The following PTBP2 variants were observed in gnomAD, a reference collection of about 807,000 sequenced individuals.
PTBP2 encodes polypyrimidine tract binding protein 2, also known as polypyrimidine tract-binding protein 2.
In PTBP2, 13 loss-of-function variants were observed where a neutral mutation model predicts 61.4. The ratio of observed to expected loss-of-function variants is 0.21; its 90% confidence interval spans 0.14 to 0.34. The LOEUF is 0.34. PTBP2 is among the 10% of genes least tolerant of loss of function. The pLI is 1.00. For missense variants in PTBP2, 405 were observed against 642.6 expected, an observed-to-expected ratio of 0.63 and a Z score of 4.00; for synonymous variants, 215 against 218.5, an observed-to-expected ratio of 0.98 and a Z score of 0.14.
intron 8 of PTBP2, among the ~76,000 whole-genome samples, chr1:96,802,326 G>C (rs1187819973): frequency 6.6e-6 from 1 of 151,574 alleles, no homozygotes. Flanking sequence ...CTTTTTCACT[G>C]TGGGATACAA....
intron 3 of PTBP2, among the ~76,000 whole-genome samples, chr1:96,765,705 GTC>G (rs1656606757): frequency 9.7e-6 from 1 of 102,744 alleles, no homozygotes; most frequent in African/African-American, 4.0e-5. Context: ...GCAAGACTCT[GTC>G]TTAGATAGAT....
intron 2 of PTBP2, among the ~76,000 whole-genome samples, chr1:96,743,951 G>A (rs1338836291): frequency 6.6e-6 from 1 of 152,062 alleles, no homozygotes; most frequent in Non-Finnish European, 1.5e-5. Context: ...AGGCCAAGGT[G>A]GTTGGATCAC....
chr1:96,808,813 A>G (rs1324249710), intron 11 of PTBP2, among the ~76,000 whole-genome samples: 1 of 120,188 alleles, frequency 8.3e-6, no homozygotes, highest in Admixed American at 7.8e-5. Context: ...ACACACAAAC[A>G]CACACACACA....
intron 3 of PTBP2, among the ~76,000 whole-genome samples, chr1:96,769,289 G>A (rs996154524): frequency 6.6e-6 from 1 of 151,940 alleles, no homozygotes; most frequent in Non-Finnish European, 1.5e-5. Flanking sequence ...AACAGAAAAG[G>A]TACAATAAAA....
chr1:96,780,025 A>G (rs1448122024), intron 7 of PTBP2, among the ~76,000 whole-genome samples: 1 of 151,910 alleles, frequency 6.6e-6, no homozygotes, highest in African/African-American at 2.4e-5. Context: ...CCCTTCTACC[A>G]TATCTCTCCT....
At chr1:96,792,562 A>G (rs555853625) in intron 8 of PTBP2, among the ~76,000 whole-genome samples, 1 of 152,326 alleles carries the variant, frequency 6.6e-6, no homozygotes, top group East Asian at 1.9e-4. Context: ...ATATACATAT[A>G]GTAAAAATTT....
intron 7 of PTBP2, among the ~76,000 whole-genome samples, chr1:96,781,815 C>T (rs1448859504): frequency 6.6e-6 from 1 of 151,926 alleles, no homozygotes; most frequent in Non-Finnish European, 1.5e-5. Context: ...GTCATAGTAA[C>T]AATCTTAATT....
chr1:96,757,864 A>G (rs971470456), intron 3 of PTBP2, among the ~76,000 whole-genome samples: 1 of 152,110 alleles, frequency 6.6e-6, no homozygotes, highest in Non-Finnish European at 1.5e-5. Flanking sequence ...TTTTGACTGA[A>G]TGAAAATATA....
intron 5 of PTBP2, among the ~76,000 whole-genome samples, chr1:96,776,108 A>G (rs1407185516): frequency 6.6e-6 from 1 of 152,004 alleles, no homozygotes; most frequent in Non-Finnish European, 1.5e-5. Context: ...TACCATGATC[A>G]TGGATTCCTA....
chr1:96,761,346 A>ATGTGTGTGTGTGTGTGTGTG lies in PTBP2; in HGVS notation c.116-8333_116-8314dup, dbSNP rs57451223. On this transcript the variant is annotated intron_variant, in intron 3 of 13. Coordinates refer to ENST00000674951, the MANE Select transcript of PTBP2 (RefSeq NM_021190.4). Reference sequence around the variant, plus strand: ...AGCAGGGGCCTAGATGTGGGATTTGATGTGTGTGTGTGTGTGTGTGTGTGT... The same window carrying ATGTGTGTGTGTGTGTGTGTG: ...AGCAGGGGCCTAGATGTGGGATTTGATGTGTGTGTGTGTGTGTGTGTGTGTGTGTGTGTGTGTGTGTGTGT... Among the ~76,000 whole-genome samples, 205 of 140,568 alleles carry ATGTGTGTGTGTGTGTGTGTG rather than the reference A, an allele frequency of 1.5e-3. 1 individual carries two copies. The highest frequency in any genetic ancestry group is 5.1e-3 in the African/African-American group (195 of 37,962). 92.2% of individuals were successfully genotyped at this position (140,568 alleles called of 152,430 possible).
At chr1:96,770,928 G>A (rs774602730) in intron 5 of PTBP2, 77 bp downstream of exon 5, 4 of 1,286,742 alleles carry the variant, frequency 3.1e-6, no homozygotes, top group East Asian at 4.7e-5. Context: ...GGAAGGAAAT[G>A]TTTACCTGTT....
intron 9 of PTBP2, among the ~76,000 whole-genome samples, chr1:96,805,780 C>T (rs1386043071): frequency 1.3e-5 from 2 of 152,032 alleles, no homozygotes; most frequent in Admixed American, 6.5e-5. Flanking sequence ...AATCAGAGTG[C>T]CTTTGTTTTT....
intron 8 of PTBP2, among the ~76,000 whole-genome samples, chr1:96,793,456 G>A (rs1400492620): frequency 6.6e-6 from 1 of 151,968 alleles, no homozygotes; most frequent in Non-Finnish European, 1.5e-5. Flanking sequence ...TGCAAGCTCC[G>A]CCTCCTGGGT....
In PTBP2 at chr1:96,812,834, G is replaced by A; in HGVS notation, c.1294G>A (p.Gly432Ser). ...TGATCAAGGGCTAACAAAAGATTTT[G>A]GTAATTCCCCATTGCATCGTTTTAA... ...LDDQGLTKDF[G>S]NSPLHRFKKP... is the part of the protein sequence containing the mutation. Residue 432 changes from glycine (G) to serine (S), a missense_variant, in exon 12 of 14, where the codon GGT becomes AGT. Gly to Ser is a moderately conservative substitution (Grantham distance 56). Around this residue, in one of 4 missense-constraint regions of PTBP2, gnomAD observed 18 missense variants for 69.6 expected, o/e 0.26. Transcript: ENST00000674951. 2 of 1,613,604 alleles carry A rather than the reference G, an allele frequency of 1.2e-6. No individual in the cohort carries two copies. Among genetic ancestry groups the A allele is most frequent in the Non-Finnish European group, 1.7e-6 (2 of 1,179,694 alleles).
At chr1:96,800,387 T>C (rs925229242) in intron 8 of PTBP2, among the ~76,000 whole-genome samples, 5 of 138,278 alleles carry the variant, frequency 3.6e-5, no homozygotes, top group African/African-American at 1.4e-4. Context: ...AAAGGTAGCA[T>C]TCTCTGGCTT....
At chr1:96,809,455 T>C (rs974859375) in intron 11 of PTBP2, among the ~76,000 whole-genome samples, 1 of 152,146 alleles carries the variant, frequency 6.6e-6, no homozygotes, top group African/African-American at 2.4e-5. Context: ...AAGATGCATA[T>C]AAAATCTGTA....
intron 1 of PTBP2, among the ~76,000 whole-genome samples, chr1:96,722,475 GA>G (rs1649741443): frequency 6.6e-6 from 1 of 151,524 alleles, no homozygotes; most frequent in Non-Finnish European, 1.5e-5. Context: ...GAGGAAGGGG[GA>G]GGGCAGATGT....
intron 2 of PTBP2, among the ~76,000 whole-genome samples, chr1:96,728,405 G>A (rs1290619716): frequency 1.3e-5 from 2 of 152,120 alleles, no homozygotes; most frequent in African/African-American, 4.8e-5. Flanking sequence ...TTTTGCATGG[G>A]GATATCCAGT....
intron 11 of PTBP2, among the ~76,000 whole-genome samples, chr1:96,809,856 C>T (rs1053414977): frequency 9.9e-5 from 15 of 151,830 alleles, no homozygotes; most frequent in African/African-American, 3.6e-4. Flanking sequence ...TTAAGAATAA[C>T]AGTGTTACCC....
Sources: gnomAD v4.1 joint callset for allele counts (sites outside exome capture counted in the v4.1 genomes callset) on GRCh38, gnomAD v4.1.1 for gene constraint, gnomAD v4.1.1 regional missense constraint, MANE v1.5 for transcripts, NCBI Gene and HGNC (gene_info 2026-07-23, HGNC 2026-07-21) for gene names.